The following NR3C2 variants were observed in gnomAD, a reference collection of about 807,000 sequenced individuals.
NR3C2 encodes nuclear receptor subfamily 3 group C member 2, also known as mineralocorticoid receptor.
Under a neutral mutation model 86.4 loss-of-function variants are expected in NR3C2, and 15 were observed. That is an observed-to-expected ratio of 0.17 (90% confidence interval 0.12 to 0.27). The LOEUF is 0.27. NR3C2 is among the 10% of genes least tolerant of loss of function. NR3C2 has a pLI of 1.00. For synonymous variants in NR3C2, 458 were observed against 450.5 expected, an observed-to-expected ratio of 1.02 and a Z score of -0.21; for missense variants, 960 against 1,195.6, an observed-to-expected ratio of 0.80 and a Z score of 2.91.
intron 3 of NR3C2, among the ~76,000 whole-genome samples, chr4:148,221,388 G>C (rs941687408): frequency 1.2e-4 from 18 of 152,066 alleles, no homozygotes; most frequent in South Asian, 4.1e-4. Context: ...GAGAGAAAAG[G>C]ACTCTTTAAT....
At chr4:148,264,924 T>C (rs958423530) in intron 2 of NR3C2, among the ~76,000 whole-genome samples, 4 of 152,204 alleles carry the variant, frequency 2.6e-5, no homozygotes, top group African/African-American at 9.6e-5. Flanking sequence ...CTGCTGATTT[T>C]GGTTAAAATG....
intron 4 of NR3C2, among the ~76,000 whole-genome samples, chr4:148,167,993 C>T (rs1407173610): frequency 6.6e-6 from 1 of 152,162 alleles, no homozygotes; most frequent in Non-Finnish European, 1.5e-5. Flanking sequence ...TCTGGCTGGG[C>T]AGCAAACAAG....
chr4:148,442,854 C>T (rs371965863), upstream of NR3C2: 1 of 985,284 alleles, frequency 1.0e-6, no homozygotes, highest in East Asian at 1.1e-4. Flanking sequence ...TCCTTCTGAC[C>T]GACCCCAGGA....
rs537619715 is a variant in NR3C2, at chr4:148,158,304, G to A, written c.2015-3403C>T. 1.8e-4 allele frequency among the ~76,000 whole-genome samples: 28 copies of A among 152,266 alleles called. No homozygotes were observed. In the South Asian group the frequency reaches 5.2e-3, roughly 28 times the overall value. On this transcript the variant is annotated intron_variant, in intron 4 of 8. Coordinates refer to ENST00000358102, the MANE Select transcript of NR3C2 (RefSeq NM_000901.5). ...TAATCTAAAAACCTCGTCAACTGAC[G>A]ACTCTATCAGAGCTTAAGAAAATAC...
intron 2 of NR3C2, among the ~76,000 whole-genome samples, chr4:148,417,871 A>G (rs1460337335): frequency 6.6e-6 from 1 of 152,194 alleles, no homozygotes; most frequent in East Asian, 1.9e-4. Flanking sequence ...CAGTGCTTAT[A>G]TTTGAATAGC....
intron 2 of NR3C2, among the ~76,000 whole-genome samples, chr4:148,425,832 A>G (rs548836219): frequency 6.6e-6 from 1 of 152,216 alleles, no homozygotes; most frequent in African/African-American, 2.4e-5. Context: ...ATTTGCCTTC[A>G]CTATAGGGCC....
At chr4:148,182,057 T>C (rs112507362) in intron 4 of NR3C2, among the ~76,000 whole-genome samples, 33 of 152,378 alleles carry the variant, frequency 2.2e-4, no homozygotes, top group African/African-American at 7.7e-4. Flanking sequence ...CCAGGAGTCA[T>C]GATCATTTGC....
At chr4:148,190,994 A>G (rs914013639) in intron 4 of NR3C2, among the ~76,000 whole-genome samples, 2 of 152,068 alleles carry the variant, frequency 1.3e-5, no homozygotes, top group African/African-American at 4.8e-5. Context: ...TGAAATGTGA[A>G]GTACCGTTGC....
At chr4:148,118,412 C>G (rs1732367530) in intron 7 of NR3C2, among the ~76,000 whole-genome samples, 1 of 152,174 alleles carries the variant, frequency 6.6e-6, no homozygotes, top group Admixed American at 6.5e-5. Flanking sequence ...ACCGTACACT[C>G]TCCCAGTTTC....
At chr4:148,297,558 G>A (rs529022266) in intron 2 of NR3C2, among the ~76,000 whole-genome samples, 1 of 152,152 alleles carries the variant, frequency 6.6e-6, no homozygotes, top group Non-Finnish European at 1.5e-5. Flanking sequence ...TCAGGAGTTC[G>A]AGACCAGCCT....
chr4:148,196,263 G>T (rs966588939), intron 3 of NR3C2, among the ~76,000 whole-genome samples: 1 of 152,200 alleles, frequency 6.6e-6, no homozygotes, highest in Non-Finnish European at 1.5e-5. Flanking sequence ...AAAAGGGGAA[G>T]ACAGAAGGAG....
At chr4:148,090,136 A>G (rs561527196) in intron 8 of NR3C2, among the ~76,000 whole-genome samples, 2 of 152,298 alleles carry the variant, frequency 1.3e-5, no homozygotes, top group African/African-American at 4.8e-5. Flanking sequence ...CTATCCAGCT[A>G]AGTCCCCGAG....
intron 4 of NR3C2, among the ~76,000 whole-genome samples, chr4:148,157,372 C>T (rs369108442): frequency 2.6e-5 from 4 of 152,028 alleles, no homozygotes; most frequent in African/African-American, 9.7e-5. Context: ...GTTCTAAATG[C>T]TCTATATAAA....
intron 3 of NR3C2, among the ~76,000 whole-genome samples, chr4:148,224,340 C>G (rs1312441844): frequency 6.6e-6 from 1 of 152,144 alleles, no homozygotes; most frequent in African/African-American, 2.4e-5. Flanking sequence ...GAATGTGTTA[C>G]ACTATTTCAT....
intron 7 of NR3C2, among the ~76,000 whole-genome samples, chr4:148,119,247 A>G (rs1294104750): frequency 1.3e-5 from 2 of 152,188 alleles, no homozygotes; most frequent in Admixed American, 1.3e-4. Context: ...TTGGAAGGCA[A>G]AACAACCCCT....
At chr4:148,289,553 T>G (rs751194940) in intron 2 of NR3C2, among the ~76,000 whole-genome samples, 3 of 152,178 alleles carry the variant, frequency 2.0e-5, no homozygotes, top group Non-Finnish European at 1.5e-5. Context: ...CCAAAATGAC[T>G]GACAATCATA....
intron 2 of NR3C2, among the ~76,000 whole-genome samples, chr4:148,347,654 CGT>C (rs1251799131): frequency 6.6e-6 from 1 of 152,132 alleles, no homozygotes; most frequent in African/African-American, 2.4e-5. Flanking sequence ...TTTCCCAAAG[CGT>C]TTATTCAACA....
At chr4:148,341,593 G>A (rs2149981662) in intron 2 of NR3C2, among the ~76,000 whole-genome samples, 1 of 152,204 alleles carries the variant, frequency 6.6e-6, no homozygotes, top group East Asian at 1.9e-4. Flanking sequence ...CAAAATTGCT[G>A]GAGGAGAATT....
chr4:148,157,007 G>A (rs552654478), intron 4 of NR3C2, among the ~76,000 whole-genome samples: 3 of 151,954 alleles, frequency 2.0e-5, no homozygotes, highest in Admixed American at 2.0e-4. Flanking sequence ...CCTTTACAGG[G>A]ACATGGATGA....
Sources: allele counts gnomAD v4.1 joint callset (sites outside exome capture counted in the v4.1 genomes callset), GRCh38; gene constraint gnomAD v4.1.1; transcripts MANE v1.5; gene names NCBI Gene and HGNC (gene_info 2026-07-23, HGNC 2026-07-21).